Variants in ACSS3 observed in about 807,000 individuals in gnomAD.
ACSS3 encodes the protein acyl-CoA synthetase short chain family member 3.
Under a neutral mutation model 84.2 loss-of-function variants are expected in ACSS3, and 64 were observed. The ratio of observed to expected loss-of-function variants is 0.76; its 90% confidence interval spans 0.62 to 0.94. The LOEUF is 0.94. ACSS3 is among the 40% of genes least tolerant of loss of function. The probability of loss-of-function intolerance (pLI) is 0.00; values close to 1 mark genes in which losing one functional copy is unlikely to be tolerated. For synonymous variants in ACSS3, 317 were observed against 310.1 expected (o/e 1.02, Z -0.23); for missense variants, 815 against 867.6 (o/e 0.94, Z 0.76).
chr12:81,217,042 T>C, intron 10 of ACSS3, 46 bp downstream of exon 10: 1 of 1,501,108 alleles, frequency 6.7e-7, no homozygotes, highest in Non-Finnish European at 9.2e-7. Context: ...AATTTGGCAT[T>C]TTCTTGCATC....
intron 10 of ACSS3, among the ~76,000 whole-genome samples, chr12:81,219,557 T>G (rs552771166): frequency 7.9e-5 from 12 of 152,260 alleles, no homozygotes; most frequent in African/African-American, 2.4e-4. Flanking sequence ...ATTGACCAAA[T>G]TTAAAGCTCC....
chr12:81,135,192 T>G (rs1885721125), intron 3 of ACSS3, among the ~76,000 whole-genome samples, 188 bp downstream of exon 3: 1 of 150,270 alleles, frequency 6.7e-6, no homozygotes. Context: ...ATATGTTTAT[T>G]GCAGCTTAAT....
At chr12:81,100,216 GTTTTTTTTT>G in intron 1 of ACSS3, among the ~76,000 whole-genome samples, 1 of 106,562 alleles carries the variant, frequency 9.4e-6, no homozygotes, top group East Asian at 2.7e-4. Context: ...AAAATTACCA[GTTTTTTTTT>G]TTTTTTTTTT....
At chr12:81,151,296 A>C (rs1565692924) in intron 5 of ACSS3, among the ~76,000 whole-genome samples, 2 of 152,208 alleles carry the variant, frequency 1.3e-5, no homozygotes, top group Admixed American at 1.3e-4. Flanking sequence ...TAAGAGTTCT[A>C]GAGTTCATAA....
chr12:81,137,342 C>G (rs1767332581), intron 3 of ACSS3, among the ~76,000 whole-genome samples: 1 of 151,438 alleles, frequency 6.6e-6, no homozygotes, highest in Non-Finnish European at 1.5e-5. Context: ...CACACACACA[C>G]ACACACACAC....
intron 1 of ACSS3, among the ~76,000 whole-genome samples, chr12:81,106,333 T>C (rs995478521): frequency 2.0e-5 from 3 of 152,244 alleles, no homozygotes; most frequent in African/African-American, 7.2e-5. Flanking sequence ...GAGAATCTAA[T>C]GCCTGATGAT....
chr12:81,212,260 C>T (rs1471313647), intron 9 of ACSS3, among the ~76,000 whole-genome samples: 1 of 152,180 alleles, frequency 6.6e-6, no homozygotes, highest in African/African-American at 2.4e-5. Flanking sequence ...GAAATTTTGG[C>T]TACTTTTGTT....
chr12:81,144,920 T>TG (rs34936055), intron 5 of ACSS3, among the ~76,000 whole-genome samples: 1 of 148,248 alleles, frequency 6.7e-6, no homozygotes, highest in Non-Finnish European at 1.5e-5. Flanking sequence ...TTTTTTTTTT[T>TG]GAGACAGTCT....
intron 7 of ACSS3, among the ~76,000 whole-genome samples, chr12:81,168,611 G>A (rs1277752979): frequency 6.6e-6 from 1 of 152,084 alleles, no homozygotes; most frequent in Non-Finnish European, 1.5e-5. Flanking sequence ...TTCCATCTTT[G>A]GAGAAAGGTC....
intron 7 of ACSS3, among the ~76,000 whole-genome samples, chr12:81,157,931 TACACACAC>T (rs35855433): frequency 8.9e-4 from 128 of 144,200 alleles, no homozygotes; most frequent in Non-Finnish European, 1.3e-3. Flanking sequence ...GATTACAGAA[TACACACAC>T]ACACACACAC....
At chr12:81,181,259 G>A (rs2030900622) in intron 8 of ACSS3, among the ~76,000 whole-genome samples, 1 of 102,914 alleles carries the variant, frequency 9.7e-6, no homozygotes, top group African/African-American at 2.9e-5. Context: ...GGTCACTAAG[G>A]CATCTGCAGT....
chr12:81,251,668 C>CAAAAAAAAAAAAAAAAAA (rs71098134), intron 13 of ACSS3, among the ~76,000 whole-genome samples: 43 of 87,758 alleles, frequency 4.9e-4, no homozygotes, highest in Admixed American at 1.2e-3. Flanking sequence ...CCCATCTCTA[C>CAAAAAAAAAAAAAAAAAA]AAAAAAAAAA....
intron 5 of ACSS3, among the ~76,000 whole-genome samples, chr12:81,145,623 C>G (rs1427730061): frequency 2.6e-5 from 4 of 152,158 alleles, no homozygotes; most frequent in Non-Finnish European, 5.9e-5. Context: ...AGGGAGGAAT[C>G]AGATTTGGTT....
At chr12:81,100,137 G>A (rs1420193283) in intron 1 of ACSS3, among the ~76,000 whole-genome samples, 4 of 151,990 alleles carry the variant, frequency 2.6e-5, no homozygotes, top group African/African-American at 9.7e-5. Context: ...CTCTCAAAGG[G>A]CTGAGTCCAG....
intron 7 of ACSS3, among the ~76,000 whole-genome samples, chr12:81,167,254 T>C (rs538315612): frequency 8.5e-5 from 13 of 152,292 alleles, no homozygotes; most frequent in South Asian, 6.2e-4. Context: ...GGCTTATTCA[T>C]TGGGGGTTGG....
intron 2 of ACSS3, among the ~76,000 whole-genome samples, chr12:81,132,542 G>T (rs1303103927): frequency 2.0e-5 from 3 of 151,814 alleles, no homozygotes; most frequent in Non-Finnish European, 4.4e-5. Context: ...AGTCTTGCTA[G>T]CAGTCTATCT....
At chr12:81,140,710 A>G (rs950186198) in intron 4 of ACSS3, among the ~76,000 whole-genome samples, 1 of 152,194 alleles carries the variant, frequency 6.6e-6, no homozygotes, top group East Asian at 1.9e-4. Context: ...TGCTGTTTAA[A>G]TCAGGCAATG....
chr12:81,175,339 A>C (rs2030394898), intron 8 of ACSS3, among the ~76,000 whole-genome samples: 1 of 152,216 alleles, frequency 6.6e-6, no homozygotes, highest in Admixed American at 6.5e-5. Context: ...TACAGATAAA[A>C]TGTGAAAAAT....
intron 8 of ACSS3, among the ~76,000 whole-genome samples, chr12:81,198,540 C>T (rs1257503711): frequency 6.6e-6 from 1 of 151,184 alleles, no homozygotes; most frequent in Non-Finnish European, 1.5e-5. Context: ...TTTGAACACA[C>T]ACACACACAC....
Sources: allele counts gnomAD v4.1 joint callset (sites outside exome capture counted in the v4.1 genomes callset), GRCh38; gene constraint gnomAD v4.1.1; transcripts MANE v1.5; gene names NCBI Gene and HGNC (gene_info 2026-07-23, HGNC 2026-07-21).